KIT: variants seen among roughly 807,000 people sequenced by gnomAD.
KIT encodes the protein mast/stem cell growth factor receptor Kit.
A neutral mutation model predicts 105.7 loss-of-function variants in KIT; 16 were observed. That is an observed-to-expected ratio of 0.15 (90% confidence interval 0.10 to 0.23). The LOEUF (loss-of-function observed/expected upper bound fraction) is 0.23, where lower values mean the gene tolerates loss of function less well. Among genes scored for constraint, KIT ranks in the 10% least tolerant of loss-of-function variants. The pLI is 1.00. For missense variants in KIT, 858 were observed against 1,213.8 expected, an observed-to-expected ratio of 0.71 and a Z score of 4.36; for synonymous variants, 438 against 441.1, an observed-to-expected ratio of 0.99 and a Z score of 0.09.
intron 1 of KIT, among the ~76,000 whole-genome samples, chr4:54,675,082 G>A (rs1019492231): frequency 1.3e-5 from 2 of 152,092 alleles, no homozygotes; most frequent in Non-Finnish European, 2.9e-5. Flanking sequence ...GGATTGACAT[G>A]ATATTAATTT....
intron 7 of KIT, among the ~76,000 whole-genome samples, chr4:54,715,972 C>CT (rs1186707212): frequency 6.6e-6 from 1 of 152,144 alleles, no homozygotes; most frequent in African/African-American, 2.4e-5. Context: ...AGAACTTCAA[C>CT]TTTTTTGGAA....
At chr4:54,733,380 A>G (rs564739681) in intron 17 of KIT, 188 bp downstream of exon 17, 14 of 563,912 alleles carry the variant, frequency 2.5e-5, no homozygotes, top group Non-Finnish European at 3.5e-5. Flanking sequence ...CTAACATTCA[A>G]TAATAGAAGT....
intron 1 of KIT, among the ~76,000 whole-genome samples, chr4:54,673,700 CTA>C (rs1454540680): frequency 2.0e-5 from 3 of 152,198 alleles, no homozygotes; most frequent in Non-Finnish European, 2.9e-5. Context: ...TTAAAAATAA[CTA>C]TGTGGAATTC....
chr4:54,658,723 T>C (rs1181600029), intron 1 of KIT, among the ~76,000 whole-genome samples: 2 of 151,904 alleles, frequency 1.3e-5, no homozygotes, highest in African/African-American at 2.4e-5. Flanking sequence ...GCTTTTGCGC[T>C]GGGAGTGCGC....
At chr4:54,689,384 A>G (rs1470051131) in intron 1 of KIT, among the ~76,000 whole-genome samples, 1 of 152,246 alleles carries the variant, frequency 6.6e-6, no homozygotes, top group African/African-American at 2.4e-5. Flanking sequence ...CTAGAGAAGA[A>G]CTTAATAGTA....
chr4:54,685,940 G>A (rs1719282515), intron 1 of KIT, among the ~76,000 whole-genome samples: 1 of 152,262 alleles, frequency 6.6e-6, no homozygotes, highest in South Asian at 2.1e-4. Context: ...CCCTGTTTTA[G>A]CCTGTACTTG....
chr4:54,681,455 C>T (rs1718911284), intron 1 of KIT, among the ~76,000 whole-genome samples: 2 of 152,116 alleles, frequency 1.3e-5, no homozygotes, highest in Non-Finnish European at 2.9e-5. Context: ...AAGGTTTCCT[C>T]TTAGTCTGTC....
rs545675977 is a variant in KIT, at chr4:54,708,537, G to A, written c.1116-887G>A. Among the ~76,000 whole-genome samples the A allele has an allele frequency of 5.9e-5, 9 of 152,244 alleles. No homozygotes were observed. In the East Asian group the frequency reaches 1.2e-3, roughly 20 times the overall value. On this transcript the variant is annotated intron_variant, in intron 6 of 20. Coordinates refer to ENST00000288135, the MANE Select transcript of KIT (RefSeq NM_000222.3). ...ACGGTCAACGTCTTCCAAGGATTGC[G>A]CAAGGGCAATCCTTGGGAGAATGCT...
intron 14 of KIT, among the ~76,000 whole-genome samples, chr4:54,730,832 C>T (rs556130810): frequency 6.6e-6 from 1 of 152,188 alleles, no homozygotes; most frequent in South Asian, 2.1e-4. Context: ...CCAGATGGTT[C>T]AGAAAATCAT....
intron 1 of KIT, among the ~76,000 whole-genome samples, chr4:54,678,736 A>G (rs754866307): frequency 1.3e-5 from 2 of 152,080 alleles, no homozygotes; most frequent in Non-Finnish European, 2.9e-5. Flanking sequence ...AAACTTTCCA[A>G]TATTGCTGAG....
chr4:54,720,484 A>G (rs1322730815), intron 7 of KIT, among the ~76,000 whole-genome samples: 1 of 152,238 alleles, frequency 6.6e-6, no homozygotes, highest in Non-Finnish European at 1.5e-5. Flanking sequence ...CCAAAGCTAA[A>G]TGGAATTGAT....
Position 54,739,878 on chromosome 4 carries a change from C to T in KIT, c.*1321C>T, listed in dbSNP as rs1723144498. The T allele has an allele frequency of 4.3e-6, 1 of 233,338 alleles. No homozygotes were observed. The highest frequency in any genetic ancestry group is 5.6e-5 in the Admixed American group (1 of 17,766). The allele number at this position is 233,338 out of a possible 1,614,324, so 14.5% of individuals were successfully genotyped here. A position where few individuals can be genotyped will look rare whatever the true frequency, so the allele number is the denominator to read the frequency against. ...CAGTCCCTATGTATTTGCAGTTCAC[C>T]TGCACTTAAGGCACTCTGTTATTTA... On this transcript the variant is annotated 3_prime_UTR_variant, in exon 21 of 21. Transcript: ENST00000288135.
At chr4:54,706,439 CATTA>C (rs1364808208) in intron 5 of KIT, among the ~76,000 whole-genome samples, 1 of 151,974 alleles carries the variant, frequency 6.6e-6, no homozygotes, top group African/African-American at 2.4e-5. Context: ...TTTCCTGTTA[CATTA>C]ATTATTTTAC....
intron 1 of KIT, among the ~76,000 whole-genome samples, chr4:54,689,485 C>T (rs1241180973): frequency 6.6e-6 from 1 of 152,116 alleles, no homozygotes. Context: ...AGACCTTTTC[C>T]TGCCAATGCT....
At position 54,737,171 on chromosome 4, in the gene KIT, G is replaced by T. The variant is rs1248834820; in HGVS notation, c.2697-4G>T. ...AGGGATAGTAAATGGCCCTTGTCTTGCAGGTATGACATAATGAAGACTTGC... is the reference window on the plus strand; with the variant it reads ...AGGGATAGTAAATGGCCCTTGTCTTTCAGGTATGACATAATGAAGACTTGC... On this transcript the variant is annotated splice_polypyrimidine_tract_variant and splice_region_variant and intron_variant, in intron 19 of 20. Coordinates refer to ENST00000288135, the MANE Select transcript of KIT (RefSeq NM_000222.3). 1 of 1,600,228 alleles carries T rather than the reference G, an allele frequency of 6.2e-7. No homozygotes were observed. The highest frequency in any genetic ancestry group is 8.6e-7 in the Non-Finnish European group (1 of 1,167,392).
chr4:54,740,405 C>T lies in KIT; in HGVS notation c.*1848C>T, dbSNP rs1376384934. ...AGGGGCACTTCATTGAGAGTTTTGTCTTGGATATTCTTGAAAGTTTATATT... is the reference window on the plus strand; with the variant it reads ...AGGGGCACTTCATTGAGAGTTTTGTTTTGGATATTCTTGAAAGTTTATATT... On this transcript the variant is annotated 3_prime_UTR_variant, in exon 21 of 21. Transcript: ENST00000288135. The T allele has an allele frequency of 4.3e-6, 1 of 233,212 alleles. No individual in the cohort carries two copies. The highest frequency in any genetic ancestry group is 2.2e-5 in the African/African-American group (1 of 45,284). The allele number at this position is 233,212 out of a possible 1,614,324, so 14.4% of individuals were successfully genotyped here. A position where few individuals can be genotyped will look rare whatever the true frequency, so the allele number is the denominator to read the frequency against.
intron 5 of KIT, among the ~76,000 whole-genome samples, chr4:54,705,404 C>CA (rs1217651997): frequency 6.6e-5 from 10 of 152,200 alleles, no homozygotes; most frequent in Admixed American, 6.5e-4. Context: ...ATGAAGAGAA[C>CA]AGGGCTTTGG....
chr4:54,735,385 AAAAAAAAG>A lies in KIT; in HGVS notation c.2485-1112_2485-1105del, dbSNP rs1560423829. Among the ~76,000 whole-genome samples the A allele has an allele frequency of 6.5e-4, 79 of 121,700 alleles. No homozygotes were observed. The South Asian group carries it at 6.9e-3, about 11-fold the overall frequency. The allele number at this position is 121,700 out of a possible 152,430, so 79.8% of individuals were successfully genotyped here. A position where few individuals can be genotyped will look rare whatever the true frequency, so the allele number is the denominator to read the frequency against. On this transcript the variant is annotated intron_variant, in intron 17 of 20. Coordinates refer to ENST00000288135, the MANE Select transcript of KIT (RefSeq NM_000222.3). Reference sequence around the variant, plus strand: ...TAACACCAAAAAAAAAAAAGAAAAAAAAAAAAAGCTTTCCCAGTTTTCAATCCTAAATG... The same window carrying A: ...TAACACCAAAAAAAAAAAAGAAAAAACTTTCCCAGTTTTCAATCCTAAATG...
chr4:54,660,660 A>C (rs1161580287), intron 1 of KIT, among the ~76,000 whole-genome samples: 1 of 152,070 alleles, frequency 6.6e-6, no homozygotes, highest in Non-Finnish European at 1.5e-5. Context: ...ACCTATTTCT[A>C]GTAGTCTCAA....
Sources: gnomAD v4.1 joint callset for allele counts (sites outside exome capture counted in the v4.1 genomes callset) on GRCh38, gnomAD v4.1.1 for gene constraint, MANE v1.5 for transcripts, NCBI Gene and HGNC (gene_info 2026-07-23, HGNC 2026-07-21) for gene names.